Variants in PASK observed in about 807,000 individuals in gnomAD.
PASK encodes PAS domain containing serine/threonine kinase, also known as PAS domain-containing serine/threonine-protein kinase.
A neutral mutation model predicts 121.0 loss-of-function variants in PASK; 110 were observed. The observed-to-expected ratio is 0.91, with a 90% confidence interval of 0.78 to 1.06. The LOEUF (loss-of-function observed/expected upper bound fraction) is 1.06, where lower values mean the gene tolerates loss of function less well. Ranked by LOEUF, PASK falls within the 50% of genes least tolerant of loss-of-function variation. The pLI is 0.00. For synonymous variants in PASK, 686 were observed against 717.8 expected, an observed-to-expected ratio of 0.96 and a Z score of 0.71; for missense variants, 1,643 against 1,702.3, an observed-to-expected ratio of 0.97 and a Z score of 0.61.
chr2:241,138,909 G>T, intron 4 of PASK, 115 bp from the exon 5 acceptor site: 1 of 959,658 alleles, frequency 1.0e-6, no homozygotes. Context: ...TTCAACTTCT[G>T]CTTACCTGAT....
In PASK at chr2:241,108,996, TCA is replaced by T. The variant is rs1182239740; in HGVS notation, c.3534-698_3534-697del. 2.6e-5 allele frequency: 4 copies of T among 154,062 alleles called. No homozygotes were observed. Among genetic ancestry groups the T allele is most frequent in the African/African-American group, 9.8e-5 (4 of 40,762 alleles). 9.5% of individuals were successfully genotyped at this position (154,062 alleles called of 1,614,324 possible). A position where few individuals can be genotyped will look rare whatever the true frequency, so the allele number is the denominator to read the frequency against. On this transcript the variant is annotated intron_variant, in intron 15 of 17. Coordinates refer to ENST00000234040, the MANE Select transcript of PASK (RefSeq NM_015148.4). The surrounding 1 kb of genome is among the most constrained non-coding windows in gnomAD (Gnocchi z 5.2). The stretch of plus-strand genomic sequence containing the variant: ...TTATTTCCTGTCACCGTAAACATCC[TCA>T]TCCACGCTACCATTTATTTCCTGTC...
At chr2:241,122,995 C>G (rs2302051) in intron 11 of PASK, 96 bp from the exon 12 acceptor site, 29 of 1,234,264 alleles carry the variant, frequency 2.3e-5, no homozygotes, top group African/African-American at 3.0e-5. Context: ...AGCAGCCGCC[C>G]GAGGCAGGTG....
At chr2:241,139,699 G>A (rs935146673) in intron 4 of PASK, 186 bp downstream of exon 4, 5 of 713,820 alleles carry the variant, frequency 7.0e-6, no homozygotes, top group African/African-American at 7.0e-5. Context: ...TTCTTAAAGG[G>A]CCCCCACCCC....
intron 12 of PASK, among the ~76,000 whole-genome samples, chr2:241,119,224 C>T (rs1270644761): frequency 6.6e-6 from 1 of 152,228 alleles, no homozygotes; most frequent in African/African-American, 2.4e-5. Flanking sequence ...GTAACGGCGT[C>T]CGTCCATGGC....
At chr2:241,143,413 T>A (rs1234128890) in intron 1 of PASK, among the ~76,000 whole-genome samples, 1 of 151,900 alleles carries the variant, frequency 6.6e-6, no homozygotes. Context: ...TAGCCGGGCA[T>A]GGTGGCGGGT....
At chr2:241,111,297 G>A (rs1018008172) in intron 15 of PASK, among the ~76,000 whole-genome samples, 2 of 152,204 alleles carry the variant, frequency 1.3e-5, no homozygotes, top group Admixed American at 6.5e-5. Flanking sequence ...AGAACCACAT[G>A]GAGCAGATAT....
rs34401965 is a variant in PASK at position 241,132,942 on chromosome 2, G to A, written c.1395C>T (p.Thr465=). The change falls in exon 9 of 18, where the codon ACC becomes ACT. Residue 465 remains threonine, a synonymous_variant. Coordinates refer to ENST00000234040, the MANE Select transcript of PASK (RefSeq NM_015148.4). ...CAGCAATCAGCTCAGTCTGAGTCCC[G>A]GTGAAGATGTCTTGGCTTTCCATCA... The part of the protein sequence containing the change: ...RKLMESQDIF[T]GTQTELIAGG... 0.084 allele frequency: 134,899 copies of A among 1,613,548 alleles called. 6,197 individuals carry two copies. The highest frequency in any genetic ancestry group is 0.14 in the South Asian group (12,931 of 91,058).
chr2:241,114,903 T>C (rs751689403), intron 14 of PASK, 140 bp downstream of exon 14: 4 of 1,560,982 alleles, frequency 2.6e-6, no homozygotes, highest in Non-Finnish European at 3.5e-6. Flanking sequence ...AAAATATATA[T>C]CCTACTCCAT....
intron 1 of PASK, among the ~76,000 whole-genome samples, chr2:241,145,117 G>A (rs2066894767): frequency 6.6e-6 from 1 of 152,184 alleles, no homozygotes; most frequent in Admixed American, 6.5e-5. Context: ...GTTTCACCGT[G>A]TTAGCCAAGA....
Position 241,112,715 on chromosome 2 carries a change from C to T in PASK, c.3334-276G>A. On this transcript the variant is annotated intron_variant, in intron 14 of 17. Transcript: ENST00000234040. The surrounding 1 kb of genome is among the most constrained non-coding windows in gnomAD (Gnocchi z 5.2). The stretch of plus-strand genomic sequence containing the variant: ...GAGTTCTGTTTGCTGCTGAGAAAAG[C>T]TTCCCAGCAGACACTCGCCCCCACC... The T allele has an allele frequency of 4.8e-6, 2 of 414,190 alleles. No homozygotes were observed. Among genetic ancestry groups the T allele is most frequent in the South Asian group, 4.6e-5 (2 of 43,784 alleles). The allele number at this position is 414,190 out of a possible 1,614,324, so 25.7% of individuals were successfully genotyped here. A position where few individuals can be genotyped will look rare whatever the true frequency, so the allele number is the denominator to read the frequency against.
Position 241,127,210 on chromosome 2 carries a change from GAC to G in PASK, c.1703_1704del (p.Cys568SerfsTer48), listed in dbSNP as rs763015120. Reference sequence around the variant, plus strand: ...CCCATCCGCTCTAGCTGGGCCTTCTGACACAGGCCACACATGCCAGCATCACT... The same window carrying G: ...CCCATCCGCTCTAGCTGGGCCTTCTGACAGGCCACACATGCCAGCATCACT... ...GGSDAGMCGL[C>X]QKAQLERMGV... is the part of the protein sequence containing the mutation. On this transcript the variant is annotated frameshift_variant, in exon 10 of 18. Transcript: ENST00000234040. LOFTEE classifies it high-confidence loss of function. The G allele has an allele frequency of 4.3e-6, 7 of 1,614,234 alleles. No homozygotes were observed. The highest frequency in any genetic ancestry group is 5.9e-6 in the Non-Finnish European group (7 of 1,180,040).
chr2:241,112,301 A>G lies in PASK; in HGVS notation c.3472T>C (p.Leu1158=), dbSNP rs1190104916. ...ATGGTCCCACAAAAAGTATAAAATA[A>G]TTTTCCCCTTTCCAAGTAGGCGGCC... ...GSAAYLERGK[L]FYTFCGTIEY... is the part of the protein sequence containing the mutation. Residue 1158 remains leucine, a synonymous_variant, in exon 15 of 18, where the codon TTA becomes CTA. Coordinates refer to ENST00000234040, the MANE Select transcript of PASK (RefSeq NM_015148.4). This position sits in a 1 kb window ranked among gnomAD's most constrained non-coding sequence, Gnocchi z 5.2. The G allele has an allele frequency of 1.2e-6, 2 of 1,613,606 alleles. No individual in the cohort carries two copies. The highest frequency in any genetic ancestry group is 1.7e-5 in the Admixed American group (1 of 59,984).
chr2:241,117,401 G>A (rs912038143), intron 12 of PASK, among the ~76,000 whole-genome samples: 16 of 152,340 alleles, frequency 1.1e-4, no homozygotes, highest in African/African-American at 1.9e-4. Context: ...CCGGGAGGGC[G>A]GGAGCCCTGA....
chr2:241,135,758 C>T (rs1024531464), intron 8 of PASK, 113 bp downstream of exon 8: 19 of 1,012,768 alleles, frequency 1.9e-5, no homozygotes, highest in Middle Eastern at 3.0e-4. Flanking sequence ...CCCACCACCC[C>T]TGAGCCTCTG....
chr2:241,130,467 C>T (rs993727853), intron 9 of PASK, among the ~76,000 whole-genome samples: 16 of 152,168 alleles, frequency 1.1e-4, no homozygotes, highest in Admixed American at 6.5e-4. Context: ...TCCCAGACAA[C>T]GGGAGCACTG....
Position 241,137,137 on chromosome 2 carries a change from T to C in PASK, c.1004A>G (p.Tyr335Cys). The C allele has an allele frequency of 1.9e-6, 3 of 1,613,766 alleles. No homozygotes were observed. The highest frequency in any genetic ancestry group is 1.1e-5 in the South Asian group (1 of 91,070). ...TTGEAAPVSG[Y>C]RASVWVFCTI... is the part of the protein sequence containing the mutation. ...GCAGAACACCCAGACAGATGCCCGG[T>C]AGCCGCTCACAGGGGCCGCCTCACC... Residue 335 changes from tyrosine to cysteine, a missense_variant, in exon 7 of 18, where the codon TAC becomes TGC. Physicochemically the swap from Tyr to Cys is radical, Grantham distance 194. Around this residue, in one of 3 missense-constraint regions of PASK, gnomAD observed 1,176 missense variants for 1,162.2 expected, o/e 1.01. Coordinates refer to ENST00000234040, the MANE Select transcript of PASK (RefSeq NM_015148.4).
Position 241,131,294 on chromosome 2 carries a change from G to A in PASK, c.1463+1580C>T, listed in dbSNP as rs537634652. ...CTCCCGAGTAGCTGGGACTACAGGC[G>A]CCCGCCACCATGCCTGGCTAATTTT... On this transcript the variant is annotated intron_variant, in intron 9 of 17. Coordinates refer to ENST00000234040, the MANE Select transcript of PASK (RefSeq NM_015148.4). 6.6e-5 allele frequency among the ~76,000 whole-genome samples: 10 copies of A among 151,920 alleles called. No homozygotes were observed. In the East Asian group the frequency reaches 1.4e-3, roughly 21 times the overall value.
chr2:241,150,309 G>A, upstream of PASK: 4 of 1,335,898 alleles, frequency 3.0e-6, no homozygotes, highest in Non-Finnish European at 3.8e-6. Context: ...TACCTGCTCT[G>A]GGGGAGGCGC....
chr2:241,108,139 CT>C lies in PASK; in HGVS notation c.3667+27del. Reference sequence around the variant, plus strand: ...GGCTGGTCTCTAAGGACAGTGTCGACTGTCTACCACTTGCAGCTCACGCTCA... The same window carrying C: ...GGCTGGTCTCTAAGGACAGTGTCGACGTCTACCACTTGCAGCTCACGCTCA... On this transcript the variant is annotated intron_variant, in intron 16 of 17. Coordinates refer to ENST00000234040, the MANE Select transcript of PASK (RefSeq NM_015148.4). The surrounding 1 kb of genome is among the most constrained non-coding windows in gnomAD (Gnocchi z 5.2). 6.2e-7 allele frequency: 1 copy of C among 1,613,722 alleles called. No homozygotes were observed. Among genetic ancestry groups the C allele is most frequent in the Non-Finnish European group, 8.5e-7 (1 of 1,179,622 alleles).
Sources: allele counts gnomAD v4.1 joint callset (sites outside exome capture counted in the v4.1 genomes callset), GRCh38; gene constraint gnomAD v4.1.1; regional missense constraint gnomAD v4.1.1; non-coding constraint Gnocchi (gnomAD v3.1); transcripts MANE v1.5; gene names NCBI Gene and HGNC (gene_info 2026-07-23, HGNC 2026-07-21).